The following COL22A1 variants were observed in gnomAD, a reference collection of about 807,000 sequenced individuals.
COL22A1 encodes collagen type XXII alpha 1 chain, also known as collagen alpha-1(XXII) chain.
COL22A1 carries 221 observed loss-of-function variants against 248.9 expected under a neutral mutation model. That is an observed-to-expected ratio of 0.89 (90% CI 0.80 to 0.99). The LOEUF (loss-of-function observed/expected upper bound fraction) is 0.99. COL22A1 is among the 50% of genes least tolerant of loss of function. COL22A1 has a pLI of 0.00. For missense variants in COL22A1, 2,240 were observed against 2,179.0 expected, an observed-to-expected ratio of 1.03 and a Z score of -0.56; for synonymous variants, 891 against 793.4, an observed-to-expected ratio of 1.12 and a Z score of -2.07.
intron 3 of COL22A1, among the ~76,000 whole-genome samples, chr8:138,875,429 G>A (rs1823642024): frequency 6.6e-6 from 1 of 152,094 alleles, no homozygotes; most frequent in South Asian, 2.1e-4. Flanking sequence ...CTGTCAGGAT[G>A]GCAAAAACAA....
intron 21 of COL22A1, among the ~76,000 whole-genome samples, chr8:138,753,900 C>A (rs1407855269): frequency 6.6e-6 from 1 of 152,138 alleles, no homozygotes; most frequent in Non-Finnish European, 1.5e-5. Context: ...GTAATGGGGA[C>A]CATGAAGTAA....
intron 17 of COL22A1, 120 bp from the exon 18 acceptor site, chr8:138,760,407 A>G: frequency 2.2e-6 from 2 of 905,230 alleles, no homozygotes; most frequent in Middle Eastern, 4.5e-4. Context: ...TTCAGAAGCC[A>G]AAGTCCCTTT....
intron 39 of COL22A1, among the ~76,000 whole-genome samples, chr8:138,684,183 G>A (rs1826164326): frequency 6.6e-6 from 1 of 151,174 alleles, no homozygotes; most frequent in African/African-American, 2.4e-5. Context: ...AGAATCACTT[G>A]AACCCAGGAG....
intron 30 of COL22A1, among the ~76,000 whole-genome samples, chr8:138,710,076 A>C (rs1350860365): frequency 1.3e-5 from 2 of 152,180 alleles, no homozygotes; most frequent in African/African-American, 4.8e-5. Flanking sequence ...AAACCTAACT[A>C]TACCATTTTA....
At chr8:138,684,499 A>T (rs1005043055) in intron 38 of COL22A1, 30 bp from the exon 39 acceptor site, 1 of 1,562,604 alleles carries the variant, frequency 6.4e-7, no homozygotes, top group African/African-American at 1.4e-5. Flanking sequence ...AAGGACAATC[A>T]TGGAGCTGAG....
intron 27 of COL22A1, among the ~76,000 whole-genome samples, chr8:138,720,191 C>A (rs1048688318): frequency 6.6e-6 from 1 of 152,178 alleles, no homozygotes; most frequent in Admixed American, 6.5e-5. Context: ...ATTTTTCACA[C>A]CTCACCACCC....
At chr8:138,795,698 A>G (rs569932682) in intron 12 of COL22A1, among the ~76,000 whole-genome samples, 27 of 152,364 alleles carry the variant, frequency 1.8e-4, no homozygotes, top group African/African-American at 6.3e-4. Flanking sequence ...GAGGTATACA[A>G]TAATGTATTT....
chr8:138,775,957 T>C lies in COL22A1; in HGVS notation c.1803+9A>G, dbSNP rs376077624. On this transcript the variant is annotated intron_variant, in intron 16 of 64. Coordinates refer to ENST00000303045, the MANE Select transcript of COL22A1 (RefSeq NM_152888.3). ...GCCGTATTGATGAATGAGTGCAGAC[T>C]ATAAATACCTTTTCTCCTCGAGTTC... The C allele has an allele frequency of 6.2e-6, 10 of 1,613,962 alleles. No individual in the cohort carries two copies. Among genetic ancestry groups the C allele is most frequent in the Non-Finnish European group, 8.5e-6 (10 of 1,179,788 alleles).
At chr8:138,683,682 C>G (rs1826125593) in intron 39 of COL22A1, among the ~76,000 whole-genome samples, 1 of 152,104 alleles carries the variant, frequency 6.6e-6, no homozygotes, top group South Asian at 2.1e-4. Flanking sequence ...GATGGAAGAG[C>G]CATGGGATTC....
chr8:138,594,784 G>T (rs1024965810), intron 62 of COL22A1, among the ~76,000 whole-genome samples: 9 of 152,178 alleles, frequency 5.9e-5, no homozygotes, highest in Non-Finnish European at 1.5e-5. Context: ...GTCAGTTGGG[G>T]AAACTGATGC....
In COL22A1 at chr8:138,693,842, T is replaced by G. The variant is rs909953763; in HGVS notation, c.2701-143A>C. ...GGGCCCGGGAGCACCGTCTAAAAGGTGAAGAAAATCACTACTTTCTGGCCC... is the reference window on the plus strand; with the variant it reads ...GGGCCCGGGAGCACCGTCTAAAAGGGGAAGAAAATCACTACTTTCTGGCCC... On this transcript the variant is annotated intron_variant, in intron 34 of 64. Transcript: ENST00000303045. The G allele has an allele frequency of 9.8e-6, 8 of 815,990 alleles. No individual in the cohort carries two copies. In the African/African-American group the frequency reaches 1.2e-4, roughly 12 times the overall value. 50.5% of individuals were successfully genotyped at this position (815,990 alleles called of 1,614,324 possible). A position where few individuals can be genotyped will look rare whatever the true frequency, so the allele number is the denominator to read the frequency against.
Position 138,795,811 on chromosome 8 carries a change from A to G in COL22A1, c.1596+1008T>C, listed in dbSNP as rs1816463263. Among the ~76,000 whole-genome samples the G allele has an allele frequency of 2.0e-5, 3 of 152,236 alleles. No individual in the cohort carries two copies. The South Asian group carries it at 6.2e-4, about 32-fold the overall frequency. ...ATTTATCTCCTTAGAGGAGAGCTAG[A>G]TGTGTAAGAGTGCCTACAGGGAGAG... On this transcript the variant is annotated intron_variant, in intron 12 of 64. Transcript: ENST00000303045.
chr8:138,634,090 G>T (rs72727837), intron 49 of COL22A1, among the ~76,000 whole-genome samples: 3,197 of 152,146 alleles, frequency 0.021, 172 homozygotes, highest in East Asian at 0.16. Context: ...TGCTTTCATC[G>T]GATTTTATTG....
In COL22A1 at chr8:138,626,179, A is replaced by C. The variant is rs762465568; in HGVS notation, c.3717+11T>G. The C allele has an allele frequency of 1.3e-6, 2 of 1,584,900 alleles. No individual in the cohort carries two copies. Among genetic ancestry groups the C allele is most frequent in the South Asian group, 2.3e-5 (2 of 85,178 alleles). ...TGTTTTTGTTTGTTTGTTTTTATAAAAGCCACTTACTGGGATTCCGGGTAA... is the reference window on the plus strand; with the variant it reads ...TGTTTTTGTTTGTTTGTTTTTATAACAGCCACTTACTGGGATTCCGGGTAA... On this transcript the variant is annotated intron_variant, in intron 51 of 64. Transcript: ENST00000303045.
At chr8:138,773,634 C>T (rs1455688673) in intron 16 of COL22A1, among the ~76,000 whole-genome samples, 1 of 152,238 alleles carries the variant, frequency 6.6e-6, no homozygotes, top group Non-Finnish European at 1.5e-5. Flanking sequence ...ACGTAAATAT[C>T]CGCCATGTGT....
chr8:138,649,808 G>A (rs965542043), intron 45 of COL22A1, 30 bp from the exon 46 acceptor site: 1 of 1,378,998 alleles, frequency 7.3e-7, no homozygotes, highest in Non-Finnish European at 9.9e-7. Flanking sequence ...TGGGGACAAA[G>A]AGAGAATAAC....
intron 1 of COL22A1, among the ~76,000 whole-genome samples, chr8:138,899,098 C>T (rs1211561415): frequency 6.6e-6 from 1 of 152,114 alleles, no homozygotes; most frequent in Non-Finnish European, 1.5e-5. Flanking sequence ...ATTCTAACAC[C>T]ACTCCTGCTG....
intron 15 of COL22A1, among the ~76,000 whole-genome samples, chr8:138,776,481 C>A (rs1451274850): frequency 6.6e-6 from 1 of 152,156 alleles, no homozygotes; most frequent in Non-Finnish European, 1.5e-5. Flanking sequence ...ACTGTCTGTC[C>A]CCATTGCTCA....
intron 25 of COL22A1, among the ~76,000 whole-genome samples, chr8:138,724,271 T>A (rs1362598502): frequency 6.6e-6 from 1 of 152,270 alleles, no homozygotes; most frequent in East Asian, 1.9e-4. Context: ...TTGCTTCTGG[T>A]CCCCTCTGGG....
Sources: gnomAD v4.1 joint callset for allele counts (sites outside exome capture counted in the v4.1 genomes callset) on GRCh38, gnomAD v4.1.1 for gene constraint, MANE v1.5 for transcripts, NCBI Gene and HGNC (gene_info 2026-07-23, HGNC 2026-07-21) for gene names.